Variants in CEP41 observed in about 807,000 individuals in gnomAD.
The protein encoded by CEP41 is centrosomal protein 41, also known as centrosomal protein of 41 kDa.
CEP41 carries 32 observed loss-of-function variants against 44.3 expected under a neutral mutation model. The ratio of observed to expected loss-of-function variants is 0.72; its 90% CI spans 0.54 to 0.97. The LOEUF is 0.97. Ranked by LOEUF, CEP41 falls within the 50% of genes least tolerant of loss-of-function variation. The pLI is 0.00. For missense variants in CEP41, 432 were observed against 455.2 expected, an observed-to-expected ratio of 0.95 and a Z score of 0.46; for synonymous variants, 151 against 168.5, an observed-to-expected ratio of 0.90 and a Z score of 0.80.
intron 2 of CEP41, chr7:130,421,356 T>C (rs1797502339): frequency 1.0e-6 from 1 of 985,324 alleles, no homozygotes; most frequent in Admixed American, 6.2e-5. Context: ...TTCCCTCCTC[T>C]ATGGAGAAGT....
intron 3 of CEP41, among the ~76,000 whole-genome samples, chr7:130,413,540 T>C (rs1367422766): frequency 6.7e-6 from 1 of 149,072 alleles, no homozygotes; most frequent in Non-Finnish European, 1.5e-5. Context: ...AAGATTGCAC[T>C]ACCACATTCC....
chr7:130,427,867 G>C (rs1797709600), intron 2 of CEP41, 88 bp downstream of exon 2: 1 of 847,720 alleles, frequency 1.2e-6, no homozygotes, highest in Non-Finnish European at 2.0e-6. Context: ...ACTTTTAGCT[G>C]TGATTTATAC....
chr7:130,440,680 G>A, intron 1 of CEP41: 1 of 601,680 alleles, frequency 1.7e-6, no homozygotes, highest in Non-Finnish European at 3.0e-6. Context: ...TGTGTCTTTG[G>A]GTACTTCGCT....
At chr7:130,400,407 AAATTAT>A in intron 9 of CEP41, 153 bp from the exon 10 acceptor site, 1 of 688,574 alleles carries the variant, frequency 1.5e-6, no homozygotes, top group Non-Finnish European at 2.6e-6. Context: ...ATCATTAAGC[AAATTAT>A]ACCAGAAAAT....
rs1019487019 is a variant in CEP41, at chr7:130,397,868, T to C, written c.*1023A>G. 15 of 452,424 alleles carry C rather than the reference T, an allele frequency of 3.3e-5. No homozygotes were observed. The East Asian group carries it at 9.8e-4, about 29-fold the overall frequency. 28.0% of individuals were successfully genotyped at this position (452,424 alleles called of 1,614,324 possible). A position where few individuals can be genotyped will look rare whatever the true frequency, so the allele number is the denominator to read the frequency against. On this transcript the variant is annotated 3_prime_UTR_variant, in exon 11 of 11. Transcript: ENST00000223208. ...CAACTTCCTAATCACAGTTCAGTCA[T>C]GAGAATGAAAAGTAAGCAGGAAATT...
At chr7:130,411,500 C>G (rs1797181452) in intron 4 of CEP41, among the ~76,000 whole-genome samples, 1 of 152,190 alleles carries the variant, frequency 6.6e-6, no homozygotes, top group African/African-American at 2.4e-5. Context: ...GTGGTCCAAG[C>G]ACTACACATT....
intron 1 of CEP41, among the ~76,000 whole-genome samples, chr7:130,431,121 A>T (rs1216894891): frequency 1.4e-5 from 2 of 145,722 alleles, no homozygotes; most frequent in Middle Eastern, 3.5e-3. Flanking sequence ...TACCAACCGC[A>T]ATGTAAAACT....
At position 130,398,991 on chromosome 7, in the gene CEP41, C is replaced by A. The variant is rs1554416156; in HGVS notation, c.1022G>T (p.Gly341Val). The change falls in exon 11 of 11, where the codon GGT becomes GTT. Residue 341 changes from glycine (G) to valine (V), a missense_variant. Gly to Val is a moderately radical substitution (Grantham distance 109, BLOSUM62 -3). Coordinates refer to ENST00000223208, the MANE Select transcript of CEP41 (RefSeq NM_018718.3). The part of the protein sequence containing the change: ...NSSGRESKVP[G>V]ARSAQNLPGG... ...TGGCAGATTCTGAGCGCTTCGGGCA[C>A]CAGGCACCTTGGACTCTCTTCCGGA... 1 of 1,614,200 alleles carries A rather than the reference C, an allele frequency of 6.2e-7. No homozygotes were observed.
chr7:130,417,156 C>A (rs1797362180), intron 2 of CEP41, 190 bp from the exon 3 acceptor site: 4 of 1,400,216 alleles, frequency 2.9e-6, no homozygotes, highest in Non-Finnish European at 3.7e-6. Flanking sequence ...AGTTGCAGAG[C>A]CGAGGGAAAT....
chr7:130,423,084 C>T (rs533961017), intron 2 of CEP41, among the ~76,000 whole-genome samples: 2 of 152,116 alleles, frequency 1.3e-5, no homozygotes, highest in African/African-American at 4.8e-5. Context: ...GTAGCTGGGA[C>T]TACAGGTGCA....
At position 130,398,732 on chromosome 7, in the gene CEP41, G is replaced by A; in HGVS notation, c.*159C>T. 1.1e-6 allele frequency: 1 copy of A among 916,180 alleles called. No homozygotes were observed. The highest frequency in any genetic ancestry group is 1.8e-6 in the Non-Finnish European group (1 of 556,790). 56.8% of individuals were successfully genotyped at this position (916,180 alleles called of 1,614,324 possible). ...AATCCTTCCTGAGGTGGCCTCCTGAGGGGAGAGGAACTGGAGACAGGGACA... is the reference window on the plus strand; with the variant it reads ...AATCCTTCCTGAGGTGGCCTCCTGAAGGGAGAGGAACTGGAGACAGGGACA... On this transcript the variant is annotated 3_prime_UTR_variant, in exon 11 of 11. Coordinates refer to ENST00000223208, the MANE Select transcript of CEP41 (RefSeq NM_018718.3).
chr7:130,406,247 G>C (rs1797004774), intron 5 of CEP41, among the ~76,000 whole-genome samples: 1 of 152,116 alleles, frequency 6.6e-6, no homozygotes, highest in Admixed American at 6.5e-5. Context: ...CAAAACGTTT[G>C]AGAATTTGCT....
chr7:130,418,116 G>A (rs1422072088), intron 2 of CEP41, among the ~76,000 whole-genome samples: 1 of 151,128 alleles, frequency 6.6e-6, no homozygotes, highest in Non-Finnish European at 1.5e-5. Flanking sequence ...CTTTTTTTTG[G>A]TGTTAAGACA....
At chr7:130,437,885 T>G (rs1380366565) in intron 1 of CEP41, among the ~76,000 whole-genome samples, 1 of 151,892 alleles carries the variant, frequency 6.6e-6, no homozygotes, top group African/African-American at 2.4e-5. Context: ...ATAAGAATAT[T>G]TTTAGACATG....
At chr7:130,422,079 T>G (rs1161945043) in intron 2 of CEP41, 3 of 1,514,108 alleles carry the variant, frequency 2.0e-6, no homozygotes, top group East Asian at 2.5e-5. Flanking sequence ...ACTCAGTGTT[T>G]GAGTTCATAT....
chr7:130,416,162 T>G (rs1797329657), intron 3 of CEP41, among the ~76,000 whole-genome samples: 1 of 152,260 alleles, frequency 6.6e-6, no homozygotes, highest in Non-Finnish European at 1.5e-5. Flanking sequence ...AGTCCTGAAC[T>G]ATGATTAATC....
At chr7:130,410,326 G>A (rs1206965959) in intron 5 of CEP41, among the ~76,000 whole-genome samples, 3 of 151,800 alleles carry the variant, frequency 2.0e-5, no homozygotes, top group African/African-American at 7.3e-5. Context: ...TGGGCGTGAG[G>A]CACCGTGCCT....
At chr7:130,434,348 ATTTTT>A (rs756935576) in intron 1 of CEP41, among the ~76,000 whole-genome samples, 1 of 152,128 alleles carries the variant, frequency 6.6e-6, no homozygotes, top group Non-Finnish European at 1.5e-5. Flanking sequence ...AAGTAAATAT[ATTTTT>A]TTTAAAATTG....
intron 2 of CEP41, chr7:130,420,528 C>T (rs1797473756): frequency 6.6e-6 from 1 of 152,092 alleles, no homozygotes; most frequent in Non-Finnish European, 1.5e-5. Flanking sequence ...AATCCCAGCA[C>T]TTTGGGAGGC....
Sources: gnomAD v4.1 joint callset for allele counts (sites outside exome capture counted in the v4.1 genomes callset) on GRCh38, gnomAD v4.1.1 for gene constraint, MANE v1.5 for transcripts, NCBI Gene and HGNC (gene_info 2026-07-23, HGNC 2026-07-21) for gene names.